Variants in TSPAN9 observed in about 807,000 individuals in gnomAD.
TSPAN9 encodes tetraspanin-9.
Under a neutral mutation model 31.0 loss-of-function variants are expected in TSPAN9, and 16 were observed. The ratio of observed to expected loss-of-function variants is 0.52; its 90% CI spans 0.35 to 0.78. The LOEUF is 0.78. TSPAN9 is among the 30% of genes least tolerant of loss of function. The pLI is 0.01. For synonymous variants in TSPAN9, 145 were observed against 121.6 expected (o/e 1.19, Z -1.27); for missense variants, 272 against 312.5 (o/e 0.87, Z 0.98).
intron 3 of TSPAN9, chr12:3,272,878 G>A (rs1290665910): frequency 6.6e-6 from 1 of 152,302 alleles, no homozygotes; most frequent in Admixed American, 6.5e-5. Context: ...ACCACAGTCA[G>A]CATGGTTCAA....
At chr12:3,109,305 A>T (rs11062502) in intron 2 of TSPAN9, among the ~76,000 whole-genome samples, 89,116 of 127,694 alleles carry the variant, frequency 0.7, 29,438 homozygotes, top group East Asian at 0.76. Flanking sequence ...TGTGTGAGAG[A>T]GAGTGTGTGT....
chr12:3,083,612 T>C (rs907713330), intron 1 of TSPAN9, 41 bp from the exon 2 acceptor site: 1 of 152,240 alleles, frequency 6.6e-6, no homozygotes, highest in African/African-American at 2.4e-5. Context: ...CTGGAGTGGC[T>C]TCTTACCAAA....
At chr12:3,153,866 G>A (rs1308382887) in intron 2 of TSPAN9, among the ~76,000 whole-genome samples, 1 of 151,806 alleles carries the variant, frequency 6.6e-6, no homozygotes, top group African/African-American at 2.4e-5. Context: ...GTGTGTGCGT[G>A]TGTGTCTGTG....
At position 3,078,600 on chromosome 12, in the gene TSPAN9, G is replaced by A. The variant is rs150470125; in HGVS notation, c.-85+1147G>A. 2.6e-3 allele frequency among the ~76,000 whole-genome samples: 396 copies of A among 152,298 alleles called. 2 individuals carry two copies. The highest frequency in any genetic ancestry group is 9.0e-3 in the African/African-American group (373 of 41,558). On this transcript the variant is annotated intron_variant, in intron 1 of 8. Coordinates refer to ENST00000011898, the MANE Select transcript of TSPAN9 (RefSeq NM_006675.5). ...CATTTATATTTAGCTAAGGAATGCA[G>A]CCAGAGAGGCAGACAATTACACCGG...
intron 2 of TSPAN9, among the ~76,000 whole-genome samples, chr12:3,095,061 T>G: frequency 1.1e-5 from 1 of 91,532 alleles, no homozygotes; most frequent in South Asian, 4.0e-4. Flanking sequence ...GATTAGGGAT[T>G]GGTGATGACT....
chr12:3,171,569 A>G (rs1242228693), intron 2 of TSPAN9: 2 of 152,246 alleles, frequency 1.3e-5, no homozygotes, highest in African/African-American at 4.8e-5. Flanking sequence ...CTGATAGATA[A>G]GATAATCGAG....
intron 2 of TSPAN9, among the ~76,000 whole-genome samples, chr12:3,189,885 A>C (rs1037330461): frequency 6.6e-6 from 1 of 152,100 alleles, no homozygotes; most frequent in African/African-American, 2.4e-5. Flanking sequence ...AAGTGACTTA[A>C]TGCACTGCGG....
chr12:3,221,531 G>T (rs538026677), intron 3 of TSPAN9, among the ~76,000 whole-genome samples: 5 of 151,878 alleles, frequency 3.3e-5, no homozygotes, highest in Non-Finnish European at 7.4e-5. Context: ...TCTAATTTTT[G>T]TAGTTTTAGT....
chr12:3,185,614 G>A (rs1428494507), intron 2 of TSPAN9, among the ~76,000 whole-genome samples: 1 of 152,208 alleles, frequency 6.6e-6, no homozygotes, highest in Non-Finnish European at 1.5e-5. Context: ...CTCCACCCCG[G>A]CTGCCAGCCT....
At chr12:3,215,633 C>G (rs2098380996) in intron 3 of TSPAN9, among the ~76,000 whole-genome samples, 1 of 152,238 alleles carries the variant, frequency 6.6e-6, no homozygotes, top group Non-Finnish European at 1.5e-5. Context: ...AGTCATGTTG[C>G]TGGCTCCTGC....
intron 3 of TSPAN9, among the ~76,000 whole-genome samples, chr12:3,251,589 C>T (rs1862244709): frequency 6.6e-6 from 1 of 151,696 alleles, no homozygotes; most frequent in African/African-American, 2.4e-5. Context: ...GAGATAACCA[C>T]CGTTCTGCTT....
intron 2 of TSPAN9, among the ~76,000 whole-genome samples, chr12:3,109,303 A>AGT (rs1328395128): frequency 0.021 from 674 of 32,320 alleles, 7 homozygotes; most frequent in East Asian, 0.089. Context: ...TGTGTGTGAG[A>AGT]GAGAGTGTGT....
At position 3,109,073 on chromosome 12, in the gene TSPAN9, C is replaced by T. The variant is rs189591340; in HGVS notation, c.-18+25354C>T. 2.9e-3 allele frequency among the ~76,000 whole-genome samples: 439 copies of T among 152,056 alleles called. 5 individuals carry two copies. Among genetic ancestry groups the T allele is most frequent in the Middle Eastern group, 0.014 (4 of 290 alleles). On this transcript the variant is annotated intron_variant, in intron 2 of 8. Transcript: ENST00000011898. ...GTCTCAGCCTCCCGAGTAGCTGGGA[C>T]TACAGGCACTCGCCACCACGCCCGG...
chr12:3,269,628 G>A (rs2153979916), intron 3 of TSPAN9, among the ~76,000 whole-genome samples: 1 of 152,288 alleles, frequency 6.6e-6, no homozygotes, highest in African/African-American at 2.4e-5. Context: ...ATGGGAGACA[G>A]CTGTGCCCTC....
chr12:3,127,763 G>C (rs1191955504), intron 2 of TSPAN9, among the ~76,000 whole-genome samples: 1 of 152,188 alleles, frequency 6.6e-6, no homozygotes. Flanking sequence ...TAAGTATTAT[G>C]TACTGTCCAT....
At chr12:3,091,865 T>C (rs933828274) in intron 2 of TSPAN9, among the ~76,000 whole-genome samples, 15 of 152,136 alleles carry the variant, frequency 9.9e-5, no homozygotes, top group African/African-American at 3.6e-4. Flanking sequence ...GAAGACTGTG[T>C]TGGAGGAGGG....
chr12:3,234,757 T>C (rs1185684534), intron 3 of TSPAN9, among the ~76,000 whole-genome samples: 3 of 152,106 alleles, frequency 2.0e-5, no homozygotes, highest in Admixed American at 1.3e-4. Context: ...CTAGCAACTC[T>C]ACAGGAAAGA....
intron 2 of TSPAN9, among the ~76,000 whole-genome samples, chr12:3,100,265 C>A (rs1287044213): frequency 1.3e-5 from 2 of 152,230 alleles, no homozygotes; most frequent in Non-Finnish European, 2.9e-5. Flanking sequence ...TTTCACCCCA[C>A]TGGTGTGCAG....
At chr12:3,146,078 G>T (rs1249448793) in intron 2 of TSPAN9, among the ~76,000 whole-genome samples, 1 of 152,224 alleles carries the variant, frequency 6.6e-6, no homozygotes, top group Middle Eastern at 3.2e-3. Context: ...AGCTCCCCCG[G>T]CAAGCCCACT....
Sources: allele counts gnomAD v4.1 joint callset (sites outside exome capture counted in the v4.1 genomes callset), GRCh38; gene constraint gnomAD v4.1.1; transcripts MANE v1.5; gene names NCBI Gene and HGNC (gene_info 2026-07-23, HGNC 2026-07-21).